FZD3: variants seen among roughly 807,000 people sequenced by gnomAD.
FZD3 encodes the protein frizzled-3.
FZD3 carries 30 observed loss-of-function variants against 60.7 expected under a neutral mutation model. That is an observed-to-expected ratio of 0.49 (90% CI 0.37 to 0.67). The LOEUF (loss-of-function observed/expected upper bound fraction) is 0.67, where lower values mean the gene tolerates loss of function less well. Among genes scored for constraint, FZD3 ranks in the 30% least tolerant of loss-of-function variants. The pLI is 0.00. For missense variants in FZD3, 605 were observed against 838.7 expected (o/e 0.72, Z 3.44); for synonymous variants, 246 against 275.2 (o/e 0.89, Z 1.05).
rs1805851278 is a variant in FZD3 at position 28,574,002 on chromosome 8, A to G, written c.*10991A>G. The G allele has an allele frequency of 6.6e-6, 1 of 152,124 alleles. No individual in the cohort carries two copies. The highest frequency in any genetic ancestry group is 6.6e-5 in the Admixed American group (1 of 15,266). 9.4% of individuals were successfully genotyped at this position (152,124 alleles called of 1,614,324 possible). The stretch of plus-strand genomic sequence containing the variant: ...GTTTATTAAAATTGTTCACTTCCAA[A>G]TGAGTGGAAAAGTTGCTGTTGTTGG... On this transcript the variant is annotated 3_prime_UTR_variant, in exon 8 of 8. Coordinates refer to ENST00000240093, the MANE Select transcript of FZD3 (RefSeq NM_017412.4).
Position 28,564,042 on chromosome 8 carries a change from G to A in FZD3, c.*1031G>A, listed in dbSNP as rs1332099443. 2.0e-5 allele frequency: 3 copies of A among 152,570 alleles called. No homozygotes were observed. Among genetic ancestry groups the A allele is most frequent in the African/African-American group, 7.2e-5 (3 of 41,422 alleles). The allele number at this position is 152,570 out of a possible 1,614,324, so 9.5% of individuals were successfully genotyped here. On this transcript the variant is annotated 3_prime_UTR_variant, in exon 8 of 8. Coordinates refer to ENST00000240093, the MANE Select transcript of FZD3 (RefSeq NM_017412.4). ...CTTGCCCAATAGCCAGTAGGCTACA[G>A]CTTTTGCCCCACACCCTTATTTTCA...
intron 6 of FZD3, among the ~76,000 whole-genome samples, chr8:28,552,055 C>T (rs972102773): frequency 6.6e-6 from 1 of 152,170 alleles, no homozygotes; most frequent in East Asian, 1.9e-4. Flanking sequence ...CAAATTAATG[C>T]TTTTCTCTAC....
At chr8:28,494,825 T>C (rs900591214) in intron 1 of FZD3, among the ~76,000 whole-genome samples, 1 of 150,882 alleles carries the variant, frequency 6.6e-6, no homozygotes. Context: ...AAGACAATGC[T>C]CCGGGGGCTC....
At chr8:28,531,474 CT>C (rs1408958665) in intron 5 of FZD3, among the ~76,000 whole-genome samples, 2 of 151,962 alleles carry the variant, frequency 1.3e-5, no homozygotes, top group African/African-American at 4.8e-5. Flanking sequence ...TCTTGTAACA[CT>C]TTCATTTCTT....
intron 5 of FZD3, among the ~76,000 whole-genome samples, chr8:28,548,112 G>A (rs1805337960): frequency 1.3e-5 from 2 of 151,636 alleles, no homozygotes; most frequent in South Asian, 4.2e-4. Flanking sequence ...CTCAGCCTCC[G>A]AAAGCGCTGG....
At chr8:28,562,405 A>T (rs1324163354) in intron 7 of FZD3, among the ~76,000 whole-genome samples, 1 of 152,078 alleles carries the variant, frequency 6.6e-6, no homozygotes, top group Non-Finnish European at 1.5e-5. Context: ...TCTACTGATT[A>T]TAACCACTCT....
intron 2 of FZD3, among the ~76,000 whole-genome samples, chr8:28,501,395 C>G (rs1221053553): frequency 1.3e-5 from 2 of 152,182 alleles, no homozygotes; most frequent in East Asian, 1.9e-4. Flanking sequence ...TCTTTCCCCA[C>G]TTAAGCCAAA....
At chr8:28,535,637 T>C (rs1228068675) in intron 5 of FZD3, among the ~76,000 whole-genome samples, 1 of 152,220 alleles carries the variant, frequency 6.6e-6, no homozygotes, top group East Asian at 1.9e-4. Context: ...TAAATAATAC[T>C]TGAAAAGTAG....
rs1454561890 is a variant in FZD3 at position 28,571,761 on chromosome 8, A to G, written c.*8750A>G. ...AGACATTTACTTTGGCATAGTAAAG[A>G]TTGATATTGATACCACCCACCATCC... On this transcript the variant is annotated 3_prime_UTR_variant, in exon 8 of 8. Transcript: ENST00000240093. The G allele has an allele frequency of 6.6e-6, 1 of 152,190 alleles. No homozygotes were observed. The highest frequency in any genetic ancestry group is 6.5e-5 in the Admixed American group (1 of 15,282). 9.4% of individuals were successfully genotyped at this position (152,190 alleles called of 1,614,324 possible). A position where few individuals can be genotyped will look rare whatever the true frequency, so the allele number is the denominator to read the frequency against.
chr8:28,505,096 G>A (rs1563381299), intron 3 of FZD3: 2 of 154,562 alleles, frequency 1.3e-5, no homozygotes, highest in South Asian at 2.0e-4. Context: ...CAGTTTGAGA[G>A]TGTAACGTTT....
chr8:28,537,426 A>G (rs1452932945), intron 5 of FZD3, among the ~76,000 whole-genome samples: 1 of 152,260 alleles, frequency 6.6e-6, no homozygotes. Context: ...ACTTGCCATT[A>G]TCTACAGTAG....
intron 3 of FZD3, among the ~76,000 whole-genome samples, chr8:28,520,200 A>G (rs1804538858): frequency 7.3e-6 from 1 of 137,430 alleles, no homozygotes; most frequent in Non-Finnish European, 1.5e-5. Flanking sequence ...ACAGAGTGAG[A>G]CTCCATCTCA....
chr8:28,562,990 A>G lies in FZD3; in HGVS notation c.1980A>G (p.Glu660=). ...GCACCAGCATGAATCGGGTTATTGAAGAAGATGGAACCAGTGCTTAATTTG... is the reference window on the plus strand; with the variant it reads ...GCACCAGCATGAATCGGGTTATTGAGGAAGATGGAACCAGTGCTTAATTTG... ...THGTSMNRVI[E]EDGTSA The change falls in exon 8 of 8, where the codon GAA becomes GAG. Residue 660 remains glutamate, a synonymous_variant. Coordinates refer to ENST00000240093, the MANE Select transcript of FZD3 (RefSeq NM_017412.4). 6.2e-7 allele frequency: 1 copy of G among 1,611,978 alleles called. No homozygotes were observed. Among genetic ancestry groups the G allele is most frequent in the African/African-American group, 1.3e-5 (1 of 75,010 alleles).
chr8:28,536,274 A>G (rs565038234), intron 5 of FZD3, among the ~76,000 whole-genome samples: 2 of 152,146 alleles, frequency 1.3e-5, no homozygotes, highest in Admixed American at 1.3e-4. Flanking sequence ...TCTTTCATCC[A>G]TCTAATTTAA....
At chr8:28,519,498 G>C (rs1322077571) in intron 3 of FZD3, among the ~76,000 whole-genome samples, 1 of 152,118 alleles carries the variant, frequency 6.6e-6, no homozygotes, top group East Asian at 1.9e-4. Context: ...GGAAGGCTGA[G>C]ATGGACAGAT....
At chr8:28,515,756 T>C (rs1478989462) in intron 3 of FZD3, among the ~76,000 whole-genome samples, 1 of 152,228 alleles carries the variant, frequency 6.6e-6, no homozygotes, top group Non-Finnish European at 1.5e-5. Context: ...CAGGTTTTTC[T>C]TATCTGTTGG....
chr8:28,563,230 C>A lies in FZD3; in HGVS notation c.*219C>A. ...GAATTCTATCATCACAAAAATAATTCGTCTTTCTAGGTTATGAAGAGATAA... is the reference window on the plus strand; with the variant it reads ...GAATTCTATCATCACAAAAATAATTAGTCTTTCTAGGTTATGAAGAGATAA... On this transcript the variant is annotated 3_prime_UTR_variant, in exon 8 of 8. Coordinates refer to ENST00000240093, the MANE Select transcript of FZD3 (RefSeq NM_017412.4). 2.0e-6 allele frequency: 1 copy of A among 510,746 alleles called. No individual in the cohort carries two copies. Among genetic ancestry groups the A allele is most frequent in the Non-Finnish European group, 3.6e-6 (1 of 281,304 alleles). The allele number at this position is 510,746 out of a possible 1,614,324, so 31.6% of individuals were successfully genotyped here.
At chr8:28,494,699 C>T (rs1803790979) in intron 1 of FZD3, among the ~76,000 whole-genome samples, 1 of 152,008 alleles carries the variant, frequency 6.6e-6, no homozygotes, top group Non-Finnish European at 1.5e-5. Flanking sequence ...GCTCGGCAAC[C>T]TGTGCGAGTG....
At chr8:28,553,400 T>C (rs1053235348) in intron 6 of FZD3, among the ~76,000 whole-genome samples, 49 of 152,248 alleles carry the variant, frequency 3.2e-4, no homozygotes, top group African/African-American at 1.1e-3. Context: ...CTGTGATTTA[T>C]TTGTGTATTC....
Sources: gnomAD v4.1 joint callset for allele counts (sites outside exome capture counted in the v4.1 genomes callset) on GRCh38, gnomAD v4.1.1 for gene constraint, MANE v1.5 for transcripts, NCBI Gene and HGNC (gene_info 2026-07-23, HGNC 2026-07-21) for gene names.